Variants in TTC33 observed in about 807,000 individuals in gnomAD.
TTC33 encodes the protein tetratricopeptide repeat domain 33.
TTC33 carries 24 observed loss-of-function variants against 29.4 expected under a neutral mutation model. The observed-to-expected ratio is 0.82, with a 90% CI of 0.59 to 1.15. TTC33 has a LOEUF of 1.15. Ranked by LOEUF, TTC33 falls within the 50% of genes most tolerant of loss-of-function variation. The pLI, the probability that TTC33 is intolerant of heterozygous loss-of-function variation, is 0.00. For synonymous variants in TTC33, 107 were observed against 100.3 expected (o/e 1.07, Z -0.40); for missense variants, 286 against 310.4 (o/e 0.92, Z 0.59).
intron 4 of TTC33, among the ~76,000 whole-genome samples, chr5:40,720,529 G>A (rs1301689659): frequency 6.6e-6 from 1 of 152,098 alleles, no homozygotes; most frequent in Admixed American, 6.6e-5. Context: ...TCAAATTTAA[G>A]ATAGTTTAAA....
intron 4 of TTC33, among the ~76,000 whole-genome samples, chr5:40,724,410 G>A (rs796729728): frequency 2.6e-5 from 4 of 152,226 alleles, no homozygotes; most frequent in African/African-American, 9.6e-5. Context: ...TGAGGCAGGA[G>A]GATCATGAGG....
chr5:40,753,908 GA>G (rs942544709), intron 1 of TTC33, among the ~76,000 whole-genome samples: 7 of 146,994 alleles, frequency 4.8e-5, no homozygotes, highest in Non-Finnish European at 7.5e-5. Context: ...TTGATCAAAA[GA>G]AAAAAAAGTA....
At chr5:40,755,670 C>A (rs532677840) in intron 1 of TTC33, among the ~76,000 whole-genome samples, 154 bp downstream of exon 1, 1 of 152,354 alleles carries the variant, frequency 6.6e-6, no homozygotes, top group South Asian at 2.1e-4. Flanking sequence ...GGTCCTTTCT[C>A]CCCTAATCAC....
intron 4 of TTC33, among the ~76,000 whole-genome samples, chr5:40,725,686 T>C (rs1210721802): frequency 6.6e-6 from 1 of 152,002 alleles, no homozygotes; most frequent in Non-Finnish European, 1.5e-5. Context: ...TCCTTCCCTC[T>C]CTACCTTCTT....
rs141749385 is a variant in TTC33 at position 40,741,631 on chromosome 5, A to T, written c.221+5167T>A. 2.2e-4 allele frequency among the ~76,000 whole-genome samples: 33 copies of T among 152,174 alleles called. No individual in the cohort carries two copies. The East Asian group carries it at 4.8e-3, about 22-fold the overall frequency. Reference sequence around the variant, plus strand: ...CTCCATCTCCTCACGCAGCAAGACCACTGTGGTCTATCTGGTTTCCTCTTC... The same window carrying T: ...CTCCATCTCCTCACGCAGCAAGACCTCTGTGGTCTATCTGGTTTCCTCTTC... On this transcript the variant is annotated intron_variant, in intron 2 of 4. Coordinates refer to ENST00000337702, the MANE Select transcript of TTC33 (RefSeq NM_012382.3).
intron 1 of TTC33, among the ~76,000 whole-genome samples, chr5:40,749,888 G>A (rs933498311): frequency 4.6e-5 from 7 of 152,102 alleles, no homozygotes; most frequent in Non-Finnish European, 1.0e-4. Flanking sequence ...AGGAGTTTGA[G>A]ACCAGCCTGA....
intron 4 of TTC33, 30 bp from the exon 5 acceptor site, chr5:40,716,528 T>C (rs370968046): frequency 1.6e-5 from 24 of 1,502,844 alleles, no homozygotes; most frequent in Non-Finnish European, 1.4e-5. Context: ...TTTTTTGTTT[T>C]GGTTTTAAAA....
At chr5:40,737,201 G>T (rs1013469148) in intron 2 of TTC33, among the ~76,000 whole-genome samples, 2 of 152,040 alleles carry the variant, frequency 1.3e-5, no homozygotes, top group African/African-American at 4.8e-5. Flanking sequence ...GGAGGCTGAG[G>T]GACAAGAATC....
intron 2 of TTC33, among the ~76,000 whole-genome samples, chr5:40,732,276 A>T (rs1742448296): frequency 6.6e-6 from 1 of 151,948 alleles, no homozygotes; most frequent in Non-Finnish European, 1.5e-5. Context: ...CTTGGCCTCC[A>T]CAAGTGCTGA....
intron 2 of TTC33, among the ~76,000 whole-genome samples, chr5:40,732,092 G>A (rs1353826241): frequency 6.6e-6 from 1 of 152,162 alleles, no homozygotes; most frequent in Non-Finnish European, 1.5e-5. Context: ...GCTCATTGCA[G>A]CCTTGAACTC....
rs249412 is a variant in TTC33, at chr5:40,721,297, A to G, written c.436-4799T>C. The stretch of plus-strand genomic sequence containing the variant: ...GAGCTGGGCACAAAGTAAATGGACA[A>G]AATCAATTTTAGAAGTAAGAACAAA... On this transcript the variant is annotated intron_variant, in intron 4 of 4. Coordinates refer to ENST00000337702, the MANE Select transcript of TTC33 (RefSeq NM_012382.3). Among the ~76,000 whole-genome samples, 164 of 152,336 alleles carry G rather than the reference A, an allele frequency of 1.1e-3. 1 individual carries two copies. The East Asian group carries it at 0.026, about 25-fold the overall frequency.
intron 4 of TTC33, among the ~76,000 whole-genome samples, chr5:40,722,952 T>A (rs1474041324): frequency 6.6e-6 from 1 of 152,144 alleles, no homozygotes; most frequent in Non-Finnish European, 1.5e-5. Flanking sequence ...CAACAGCTCA[T>A]TGAGAGCGGG....
intron 4 of TTC33, among the ~76,000 whole-genome samples, chr5:40,725,805 G>A (rs986860937): frequency 9.9e-5 from 4 of 40,446 alleles, no homozygotes; most frequent in Non-Finnish European, 1.9e-4. Flanking sequence ...TTTTTTTTTT[G>A]AGACAGGTCT....
At chr5:40,742,878 T>C (rs1742722638) in intron 2 of TTC33, among the ~76,000 whole-genome samples, 1 of 152,180 alleles carries the variant, frequency 6.6e-6, no homozygotes, top group African/African-American at 2.4e-5. Context: ...TATCATGCAG[T>C]AAATGGTAGC....
chr5:40,738,069 T>C (rs550142855), intron 2 of TTC33, among the ~76,000 whole-genome samples: 1 of 152,316 alleles, frequency 6.6e-6, no homozygotes. Context: ...TCTGAATTAG[T>C]ATCTAGGAAT....
At chr5:40,727,816 T>C (rs527672629) in intron 4 of TTC33, among the ~76,000 whole-genome samples, 24 of 152,292 alleles carry the variant, frequency 1.6e-4, no homozygotes, top group African/African-American at 5.1e-4. Context: ...TGATGTCAAG[T>C]AACTGAAAAA....
Position 40,716,182 on chromosome 5 carries a change from G to A in TTC33, c.752C>T (p.Thr251Ile). Residue 251 changes from threonine (T) to isoleucine (I), a missense_variant, in exon 5 of 5, where the codon ACA becomes ATA. Transcript: ENST00000337702. The stretch of plus-strand genomic sequence containing the variant: ...GATAAAAACAGAGCCATCTGGTGGT[G>A]TAGCACCATCCTCCTTTTCAGTTAC... Reference protein sequence around the residue: ...ETVTEKEDGATPPDGSVFIKA... With the variant: ...ETVTEKEDGAIPPDGSVFIKA... 1 of 1,613,656 alleles carries A rather than the reference G, an allele frequency of 6.2e-7. No individual in the cohort carries two copies.
chr5:40,716,798 G>A (rs1338383486), intron 4 of TTC33, among the ~76,000 whole-genome samples: 2 of 152,192 alleles, frequency 1.3e-5, no homozygotes, highest in African/African-American at 4.8e-5. Context: ...AGACCAGTAA[G>A]TATGTACATT....
rs142858700 is a variant in TTC33, at chr5:40,728,677, G to C, written c.304-201C>G. ...CTTATATAACTATGAAAATGTAAAC[G>C]ATTCCCTTTCCAGTTATTGAATCTT... On this transcript the variant is annotated intron_variant, in intron 3 of 4. Coordinates refer to ENST00000337702, the MANE Select transcript of TTC33 (RefSeq NM_012382.3). 4.2e-3 allele frequency among the ~76,000 whole-genome samples: 632 copies of C among 152,108 alleles called. 3 individuals carry two copies. The highest frequency in any genetic ancestry group is 0.015 in the African/African-American group (606 of 41,488).
Sources: gnomAD v4.1 joint callset for allele counts (sites outside exome capture counted in the v4.1 genomes callset) on GRCh38, gnomAD v4.1.1 for gene constraint, MANE v1.5 for transcripts, NCBI Gene and HGNC (gene_info 2026-07-23, HGNC 2026-07-21) for gene names.